Variants in FBXW11 observed in about 807,000 individuals in gnomAD.
The protein encoded by FBXW11 is F-box/WD repeat-containing protein 11.
In FBXW11, 19 loss-of-function variants were observed where a neutral mutation model predicts 77.6. The observed-to-expected ratio is 0.24, with a 90% CI of 0.17 to 0.36. FBXW11 has a LOEUF of 0.36. Ranked by LOEUF, FBXW11 falls within the 10% of genes least tolerant of loss-of-function variation. The pLI is 1.00. For synonymous variants in FBXW11, 235 were observed against 249.4 expected (o/e 0.94, Z 0.54); for missense variants, 334 against 704.2 (o/e 0.47, Z 5.95).
At chr5:171,895,596 C>T (rs1287223832) in intron 6 of FBXW11, among the ~76,000 whole-genome samples, 2 of 152,190 alleles carry the variant, frequency 1.3e-5, no homozygotes, top group African/African-American at 4.8e-5. Context: ...GAGTTTGTCA[C>T]TACTCAAATG....
At chr5:171,874,844 C>A (rs1757975205) in intron 9 of FBXW11, among the ~76,000 whole-genome samples, 1 of 150,742 alleles carries the variant, frequency 6.6e-6, no homozygotes, top group Non-Finnish European at 1.5e-5. Flanking sequence ...CCTCAGGAGT[C>A]CCTGAGCTGG....
intron 1 of FBXW11, among the ~76,000 whole-genome samples, chr5:171,982,465 G>A (rs1765202198): frequency 6.6e-6 from 1 of 152,074 alleles, no homozygotes; most frequent in Non-Finnish European, 1.5e-5. Context: ...GTAGATACGG[G>A]GTTACATCTT....
intron 2 of FBXW11, among the ~76,000 whole-genome samples, chr5:171,941,911 A>C (rs1762771290): frequency 6.6e-6 from 1 of 151,172 alleles, no homozygotes; most frequent in Non-Finnish European, 1.5e-5. Flanking sequence ...TGTGATTAAA[A>C]TGTGGTGGTA....
intron 3 of FBXW11, among the ~76,000 whole-genome samples, chr5:171,912,360 T>G (rs961758439): frequency 2.0e-5 from 3 of 152,124 alleles, no homozygotes; most frequent in African/African-American, 7.2e-5. Context: ...ATTTTGAAAT[T>G]TTGCTTTTAC....
At chr5:171,936,489 C>T (rs1301273028) in intron 2 of FBXW11, among the ~76,000 whole-genome samples, 2 of 136,724 alleles carry the variant, frequency 1.5e-5, no homozygotes, top group Non-Finnish European at 3.0e-5. Flanking sequence ...TAGTGAGAGC[C>T]TGTCTCACCA....
chr5:171,903,774 T>C, intron 4 of FBXW11, among the ~76,000 whole-genome samples: 1 of 151,998 alleles, frequency 6.6e-6, no homozygotes, highest in East Asian at 1.9e-4. Context: ...GCCTCCCTAG[T>C]AGCTGAGACT....
In FBXW11 at chr5:171,920,612, C is replaced by T. The variant is rs540173186; in HGVS notation, c.148-6207G>A. ...CTCGTAACTATTCAGGAGGCCAAGG[C>T]AAGAGGATCTCAGAAGTTTGAGGCT... On this transcript the variant is annotated intron_variant, in intron 2 of 13. Coordinates refer to ENST00000517395, the MANE Select transcript of FBXW11 (RefSeq NM_001378974.1). Among the ~76,000 whole-genome samples the T allele has an allele frequency of 6.6e-5, 10 of 151,976 alleles. No homozygotes were observed. The South Asian group carries it at 1.9e-3, about 28-fold the overall frequency.
At chr5:171,997,346 A>T (rs530189389) in intron 1 of FBXW11, among the ~76,000 whole-genome samples, 1 of 152,316 alleles carries the variant, frequency 6.6e-6, no homozygotes, top group South Asian at 2.1e-4. Flanking sequence ...CTACCCTATC[A>T]TCCATATAAA....
intron 2 of FBXW11, among the ~76,000 whole-genome samples, chr5:171,943,297 TTC>T (rs1762840686): frequency 6.6e-6 from 1 of 152,186 alleles, no homozygotes; most frequent in South Asian, 2.1e-4. Flanking sequence ...ATAAGAGTGA[TTC>T]TGTTTTCTTA....
At chr5:171,967,041 G>A (rs377378862) in intron 1 of FBXW11, among the ~76,000 whole-genome samples, 10 of 152,180 alleles carry the variant, frequency 6.6e-5, no homozygotes, top group South Asian at 6.2e-4. Context: ...ATAATTGCCC[G>A]TCACTTCCTT....
intron 4 of FBXW11, among the ~76,000 whole-genome samples, chr5:171,901,403 T>C (rs1182252542): frequency 1.3e-5 from 2 of 152,196 alleles, no homozygotes; most frequent in Non-Finnish European, 2.9e-5. Flanking sequence ...TCTGAAAATA[T>C]CAAAATGAGA....
intron 2 of FBXW11, among the ~76,000 whole-genome samples, chr5:171,930,711 A>C (rs1762123864): frequency 6.7e-6 from 1 of 150,166 alleles, no homozygotes; most frequent in Non-Finnish European, 1.5e-5. Context: ...AACACCCAAG[A>C]ATGATCAATA....
intron 1 of FBXW11, among the ~76,000 whole-genome samples, chr5:172,002,528 TGAG>T (rs1219329747): frequency 3.3e-5 from 5 of 150,620 alleles, no homozygotes; most frequent in African/African-American, 1.2e-4. Flanking sequence ...GTGTGCTACA[TGAG>T]GAGAAAGGTG....
In FBXW11 at chr5:171,952,441, A is replaced by AT. The variant is rs1284929663; in HGVS notation, c.147+5155dup. On this transcript the variant is annotated intron_variant, in intron 2 of 13. Transcript: ENST00000517395. ...TACATACATATATATATATATATAT[A>AT]TATATATTTTTTTTTTTTTTTTTTT... Among the ~76,000 whole-genome samples the AT allele has an allele frequency of 2.1e-3, 23 of 11,020 alleles. No homozygotes were observed. In the East Asian group the frequency reaches 0.048, roughly 23 times the overall value. 7.2% of individuals were successfully genotyped at this position (11,020 alleles called of 152,430 possible). A position where few individuals can be genotyped will look rare whatever the true frequency, so the allele number is the denominator to read the frequency against.
intron 2 of FBXW11, among the ~76,000 whole-genome samples, chr5:171,952,026 T>C (rs949237331): frequency 6.6e-6 from 1 of 152,110 alleles, no homozygotes; most frequent in Non-Finnish European, 1.5e-5. Context: ...AAGAGCCCCA[T>C]TAAGTAGAAT....
At chr5:171,889,624 C>T (rs886248316) in intron 7 of FBXW11, among the ~76,000 whole-genome samples, 3 of 151,782 alleles carry the variant, frequency 2.0e-5, no homozygotes, top group Non-Finnish European at 2.9e-5. Flanking sequence ...TGGTGGTTTA[C>T]GCCTGTAATC....
intron 2 of FBXW11, among the ~76,000 whole-genome samples, chr5:171,926,622 G>A (rs189503907): frequency 1.1e-4 from 17 of 152,086 alleles, no homozygotes; most frequent in South Asian, 4.2e-4. Context: ...CTTCCCCTTC[G>A]CCTTCTGCCA....
Position 171,968,231 on chromosome 5 carries a change from C to T in FBXW11, c.46-10533G>A, listed in dbSNP as rs561407031. On this transcript the variant is annotated intron_variant, in intron 1 of 13. Transcript: ENST00000517395. Reference sequence around the variant, plus strand: ...CAGCACTTTGGGAGGCCGAGGTGGGCGGATCACGAGGTCAGGAGATCGAGA... The same window carrying T: ...CAGCACTTTGGGAGGCCGAGGTGGGTGGATCACGAGGTCAGGAGATCGAGA... Among the ~76,000 whole-genome samples the T allele has an allele frequency of 5.0e-4, 76 of 151,896 alleles. 1 individual carries two copies. The highest frequency in any genetic ancestry group is 2.9e-4 in the Non-Finnish European group (20 of 67,940).
intron 1 of FBXW11, among the ~76,000 whole-genome samples, chr5:171,983,554 G>A (rs964957656): frequency 6.6e-6 from 1 of 152,032 alleles, no homozygotes; most frequent in Non-Finnish European, 1.5e-5. Context: ...CTATCTCTAG[G>A]TAGATTGTGT....
Sources: gnomAD v4.1 joint callset for allele counts (sites outside exome capture counted in the v4.1 genomes callset) on GRCh38, gnomAD v4.1.1 for gene constraint, MANE v1.5 for transcripts, NCBI Gene and HGNC (gene_info 2026-07-23, HGNC 2026-07-21) for gene names.